Variants in ENTREP2 observed in about 807,000 individuals in gnomAD.
ENTREP2 encodes endosomal transmembrane epsin interactor 2, also known as protein ENTREP2.
chr15:29,511,405 T>G, the ENTREP2 span, among the ~76,000 whole-genome samples: 1 of 151,856 alleles, frequency 6.6e-6, no homozygotes, highest in Non-Finnish European at 1.5e-5. Flanking sequence ...CTTAGCTCAC[T>G]GCAACCTCCA....
chr15:29,369,032 GAGC>G, the ENTREP2 span, among the ~76,000 whole-genome samples: 1 of 152,152 alleles, frequency 6.6e-6, no homozygotes, highest in Non-Finnish European at 1.5e-5. Flanking sequence ...TATCCAGCCT[GAGC>G]AGCAGAATAA....
the ENTREP2 span, among the ~76,000 whole-genome samples, chr15:29,607,853 TATAG>T: frequency 5.7e-5 from 8 of 139,542 alleles, no homozygotes; most frequent in Middle Eastern, 3.2e-3. Flanking sequence ...GATAGATAGA[TATAG>T]ATAGATAGAC....
the ENTREP2 span, among the ~76,000 whole-genome samples, chr15:29,370,771 A>C: frequency 6.6e-6 from 1 of 152,164 alleles, no homozygotes; most frequent in Admixed American, 6.5e-5. Context: ...CTAGAGTGTG[A>C]GAGCATGGGC....
chr15:29,429,728 C>T, the ENTREP2 span, among the ~76,000 whole-genome samples: 1 of 152,202 alleles, frequency 6.6e-6, no homozygotes, highest in African/African-American at 2.4e-5. Flanking sequence ...TGAGCTGAAA[C>T]TACGGACCCC....
the ENTREP2 span, among the ~76,000 whole-genome samples, chr15:29,401,174 T>G: frequency 1.3e-5 from 2 of 152,286 alleles, no homozygotes; most frequent in South Asian, 2.1e-4. Flanking sequence ...TGGTTTTTAA[T>G]GTAGCATTAT....
chr15:29,193,292 C>A, the ENTREP2 span, among the ~76,000 whole-genome samples: 1 of 152,142 alleles, frequency 6.6e-6, no homozygotes, highest in South Asian at 2.1e-4. Context: ...GGAAGATCCA[C>A]CCTCAATGTT....
the ENTREP2 span, among the ~76,000 whole-genome samples, chr15:29,556,460 A>G: frequency 6.6e-6 from 1 of 152,188 alleles, no homozygotes; most frequent in South Asian, 2.1e-4. Context: ...GGGAGGGAGG[A>G]AAATTTCTTG....
the ENTREP2 span, among the ~76,000 whole-genome samples, chr15:29,200,212 G>A: frequency 6.6e-6 from 1 of 151,858 alleles, no homozygotes; most frequent in Admixed American, 6.5e-5. Flanking sequence ...GTCTTGCTCT[G>A]TCACCCAGGC....
the ENTREP2 span, among the ~76,000 whole-genome samples, chr15:29,228,016 G>A: frequency 6.6e-6 from 1 of 152,120 alleles, no homozygotes; most frequent in East Asian, 1.9e-4. Context: ...ATGATGCTAA[G>A]TGAAAGATGC....
the ENTREP2 span, among the ~76,000 whole-genome samples, chr15:29,277,272 G>A: frequency 6.6e-6 from 1 of 151,746 alleles, no homozygotes; most frequent in Non-Finnish European, 1.5e-5. Context: ...AACCCAAGAG[G>A]CAGAGCTTAC....
the ENTREP2 span, among the ~76,000 whole-genome samples, chr15:29,356,384 G>A: frequency 7.5e-6 from 1 of 133,028 alleles, no homozygotes; most frequent in Middle Eastern, 5.7e-3. Context: ...TCAGCTCACT[G>A]CAGGCTCTGC....
At chr15:29,128,773 A>C in the ENTREP2 span, 7 of 1,547,762 alleles carry the variant, frequency 4.5e-6, no homozygotes, top group East Asian at 1.5e-4. Flanking sequence ...TCAGGAGCTG[A>C]AAGAGGTAAG....
the ENTREP2 span, among the ~76,000 whole-genome samples, chr15:29,601,565 C>T: frequency 3.0e-4 from 45 of 151,984 alleles, no homozygotes; most frequent in South Asian, 8.9e-3. Flanking sequence ...AGAGTTTCTC[C>T]GAAGGTGGCA....
At chr15:29,508,188 G>C in the ENTREP2 span, among the ~76,000 whole-genome samples, 1 of 152,132 alleles carries the variant, frequency 6.6e-6, no homozygotes. Context: ...ACCCTCCCAA[G>C]ACTAAACCAG....
chr15:29,474,932 T>C, the ENTREP2 span, among the ~76,000 whole-genome samples: 1 of 152,098 alleles, frequency 6.6e-6, no homozygotes, highest in South Asian at 2.1e-4. Flanking sequence ...CCTAGTTTTA[T>C]TCATAGAAAG....
chr15:29,589,856 C>T, the ENTREP2 span, among the ~76,000 whole-genome samples: 19 of 152,156 alleles, frequency 1.2e-4, no homozygotes, highest in Non-Finnish European at 2.1e-4. Context: ...TTCCTGCATC[C>T]GTTTCCTCAT....
chr15:29,642,766 C>T, the ENTREP2 span, among the ~76,000 whole-genome samples: 7,059 of 152,010 alleles, frequency 0.046, 188 homozygotes, highest in South Asian at 0.068. Context: ...GCACACGCCA[C>T]GACACACGGC....
At chr15:29,341,733 G>A in the ENTREP2 span, among the ~76,000 whole-genome samples, 2 of 152,098 alleles carry the variant, frequency 1.3e-5, no homozygotes, top group African/African-American at 4.8e-5. Flanking sequence ...AAAGAAGGTG[G>A]TAGCATCTGG....
At chr15:29,619,001 C>T in the ENTREP2 span, among the ~76,000 whole-genome samples, 1 of 152,238 alleles carries the variant, frequency 6.6e-6, no homozygotes, top group Admixed American at 6.5e-5. Flanking sequence ...AGGAGGACCA[C>T]ACTCCCAGTG....
Sources: allele counts gnomAD v4.1 joint callset (sites outside exome capture counted in the v4.1 genomes callset), GRCh38; gene constraint gnomAD v4.1.1; transcripts MANE v1.5; gene names NCBI Gene and HGNC (gene_info 2026-07-23, HGNC 2026-07-21).